The following PAX5 variants were observed in gnomAD, a reference collection of about 807,000 sequenced individuals.
PAX5 encodes paired box 5.
Under a neutral mutation model 43.7 loss-of-function variants are expected in PAX5, and 9 were observed. The observed-to-expected ratio is 0.21, with a 90% CI of 0.12 to 0.36. The LOEUF is 0.36. PAX5 is among the 10% of genes least tolerant of loss of function. PAX5 has a pLI of 1.00. For missense variants in PAX5, 383 were observed against 532.7 expected (o/e 0.72, Z 2.77); for synonymous variants, 228 against 214.3 (o/e 1.06, Z -0.56).
At chr9:36,873,615 T>C (rs1825676310) in intron 8 of PAX5, among the ~76,000 whole-genome samples, 1 of 152,144 alleles carries the variant, frequency 6.6e-6, no homozygotes. Context: ...CAAGGGAAGT[T>C]AGTGTTAAGA....
At chr9:36,869,460 C>T (rs1272051061) in intron 8 of PAX5, among the ~76,000 whole-genome samples, 3 of 152,342 alleles carry the variant, frequency 2.0e-5, no homozygotes, top group Non-Finnish European at 4.4e-5. Context: ...TCTTGGAAAG[C>T]TTTAGCTGTG....
At chr9:36,981,189 C>CG (rs1205453244) in intron 5 of PAX5, among the ~76,000 whole-genome samples, 2 of 145,780 alleles carry the variant, frequency 1.4e-5, no homozygotes, top group Non-Finnish European at 3.0e-5. Context: ...AGCAAAGCCC[C>CG]CCCCCCCTCA....
At position 36,839,120 on chromosome 9, in the gene PAX5, G is replaced by C. The variant is rs1821845412; in HGVS notation, c.*1440C>G. ...CCCAGGTAAAGAGATGATGGCACCT[G>C]GCACCCCCATGTCAAAATCACTCCC... On this transcript the variant is annotated 3_prime_UTR_variant, in exon 10 of 10. Transcript: ENST00000358127. The C allele has an allele frequency of 4.3e-6, 1 of 233,408 alleles. No individual in the cohort carries two copies. The highest frequency in any genetic ancestry group is 8.5e-6 in the Non-Finnish European group (1 of 118,244). The allele number at this position is 233,408 out of a possible 1,614,324, so 14.5% of individuals were successfully genotyped here.
chr9:36,865,711 T>C (rs1048804974), intron 8 of PAX5, among the ~76,000 whole-genome samples: 1 of 152,210 alleles, frequency 6.6e-6, no homozygotes, highest in Non-Finnish European at 1.5e-5. Context: ...TAGTAACCCC[T>C]CCCAGTATTT....
At position 36,911,350 on chromosome 9, in the gene PAX5, G is replaced by A. The variant is rs1402427349; in HGVS notation, c.910+12005C>T. 2.0e-5 allele frequency among the ~76,000 whole-genome samples: 3 copies of A among 151,796 alleles called. No individual in the cohort carries two copies. In the East Asian group the frequency reaches 5.8e-4, roughly 29 times the overall value. ...AACTTTTTTTTTTTTTGAGATCGGG[G>A]GGGTCTCCCTATGTTGCCCAGGCTA... On this transcript the variant is annotated intron_variant, in intron 7 of 9. Transcript: ENST00000358127.
intron 9 of PAX5, among the ~76,000 whole-genome samples, 188 bp downstream of exon 9, chr9:36,846,655 G>A (rs1213666705): frequency 6.6e-6 from 1 of 152,310 alleles, no homozygotes. Flanking sequence ...GAGGGCATGA[G>A]CAGGGCTGGA....
In PAX5 at chr9:36,928,291, T is replaced by C. The variant is rs4880038; in HGVS notation, c.781-4807A>G. ...TTCCAGACACTGTCCTACCTCCGCCTGGAGGGTCCCTCTCACTCCGTGACT... is the reference window on the plus strand; with the variant it reads ...TTCCAGACACTGTCCTACCTCCGCCCGGAGGGTCCCTCTCACTCCGTGACT... On this transcript the variant is annotated intron_variant, in intron 6 of 9. Transcript: ENST00000358127. Among the ~76,000 whole-genome samples, 81,024 of 151,952 alleles carry C rather than the reference T, an allele frequency of 0.53. 21,701 individuals are homozygous for C. Among genetic ancestry groups the C allele is most frequent in the East Asian group, 0.74 (3,799 of 5,166 alleles).
chr9:36,929,930 T>C (rs1047114615), intron 6 of PAX5, among the ~76,000 whole-genome samples: 61 of 152,138 alleles, frequency 4.0e-4, no homozygotes, highest in African/African-American at 1.3e-3. Flanking sequence ...TTCACCATGT[T>C]AGTCAGGTTG....
chr9:36,881,279 T>G (rs1271367651), intron 8 of PAX5, among the ~76,000 whole-genome samples: 1 of 152,200 alleles, frequency 6.6e-6, no homozygotes, highest in African/African-American at 2.4e-5. Context: ...ATAAAAGATG[T>G]GTAACAACAT....
At chr9:36,956,216 T>C (rs1367458770) in intron 6 of PAX5, among the ~76,000 whole-genome samples, 1 of 152,200 alleles carries the variant, frequency 6.6e-6, no homozygotes, top group African/African-American at 2.4e-5. Context: ...ACATGGCATA[T>C]CTGTAAAAAT....
intron 6 of PAX5, among the ~76,000 whole-genome samples, chr9:36,941,978 G>A (rs1832090730): frequency 6.6e-6 from 1 of 152,226 alleles, no homozygotes; most frequent in African/African-American, 2.4e-5. Context: ...AATAATAGTG[G>A]TAGTAAAAAT....
chr9:36,848,523 G>A (rs73648134), intron 8 of PAX5, among the ~76,000 whole-genome samples: 204 of 152,274 alleles, frequency 1.3e-3, no homozygotes, highest in African/African-American at 4.5e-3. Flanking sequence ...ACAGTGGGCT[G>A]CAGCCGCCCG....
At chr9:36,936,921 G>T (rs1028315740) in intron 6 of PAX5, among the ~76,000 whole-genome samples, 2 of 152,040 alleles carry the variant, frequency 1.3e-5, no homozygotes, top group African/African-American at 4.8e-5. Flanking sequence ...CCTGTCAGAA[G>T]GAACTTCCTA....
At chr9:36,917,944 A>G (rs10758415) in intron 7 of PAX5, among the ~76,000 whole-genome samples, 99,351 of 151,916 alleles carry the variant, frequency 0.65, 32,761 homozygotes, top group East Asian at 0.86. Flanking sequence ...TAATTGTTTC[A>G]GGGAGCCACA....
chr9:36,923,022 C>T (rs1830300875), intron 7 of PAX5: 1 of 259,588 alleles, frequency 3.9e-6, no homozygotes, highest in Non-Finnish European at 7.3e-6. Context: ...TGGCCTTTCT[C>T]ATGAAAGAAA....
chr9:37,015,133 T>C lies in PAX5; in HGVS notation c.274A>G (p.Thr92Ala). 6.2e-7 allele frequency: 1 copy of C among 1,614,226 alleles called. No homozygotes were observed. Among genetic ancestry groups the C allele is most frequent in the Non-Finnish European group, 8.5e-7 (1 of 1,180,030 alleles). Residue 92 changes from threonine to alanine, a missense_variant, in exon 3 of 10, where the codon ACA becomes GCA. Around this residue, in one of 5 missense-constraint regions of PAX5, gnomAD observed 33 missense variants for 70.6 expected, o/e 0.47. Transcript: ENST00000358127. The surrounding 1 kb of genome is among the most constrained non-coding windows in gnomAD (Gnocchi z 4.4). ...GCGATTTTTTCCACCACTTTGGGTGTGGCGACCTTTGGTTTGGATCCTCCA... is the reference window on the plus strand; with the variant it reads ...GCGATTTTTTCCACCACTTTGGGTGCGGCGACCTTTGGTTTGGATCCTCCA... ...VIGGSKPKVA[T>A]PKVVEKIAEY...
intron 7 of PAX5, among the ~76,000 whole-genome samples, chr9:36,912,192 C>T (rs997173441): frequency 6.6e-6 from 1 of 152,214 alleles, no homozygotes. Context: ...TTGTCTTATG[C>T]CCCCAGGGCA....
At chr9:36,903,970 T>C (rs981623270) in intron 7 of PAX5, among the ~76,000 whole-genome samples, 1 of 152,004 alleles carries the variant, frequency 6.6e-6, no homozygotes, top group African/African-American at 2.4e-5. Flanking sequence ...GTCTGTGGAG[T>C]CTGACTGCCG....
intron 5 of PAX5, among the ~76,000 whole-genome samples, chr9:36,984,393 GACTT>G (rs1354306110): frequency 6.8e-6 from 1 of 147,788 alleles, no homozygotes; most frequent in African/African-American, 2.5e-5. Flanking sequence ...CCAGCCTTGT[GACTT>G]ACTGGCTTTG....
Sources: gnomAD v4.1 joint callset for allele counts (sites outside exome capture counted in the v4.1 genomes callset) on GRCh38, gnomAD v4.1.1 for gene constraint, gnomAD v4.1.1 regional missense constraint, Gnocchi (gnomAD v3.1) non-coding constraint, MANE v1.5 for transcripts, NCBI Gene and HGNC (gene_info 2026-07-23, HGNC 2026-07-21) for gene names.